CDH23: variants seen among roughly 807,000 people sequenced by gnomAD.
CDH23 encodes the protein cadherin related 23, also known as cadherin-23.
A neutral mutation model predicts 317.1 loss-of-function variants in CDH23; 189 were observed. That is an observed-to-expected ratio of 0.60 (90% CI 0.53 to 0.67). CDH23 has a LOEUF of 0.67. Among genes scored for constraint, CDH23 ranks in the 30% least tolerant of loss-of-function variants. CDH23 has a pLI of 0.00. For synonymous variants in CDH23, 1,839 were observed against 1,876.8 expected (o/e 0.98, Z 0.52); for missense variants, 4,401 against 4,592.4 (o/e 0.96, Z 1.20).
At position 71,797,090 on chromosome 10, in the gene CDH23, G is replaced by A. The variant is rs1378520910; in HGVS notation, c.6713-14G>A. The A allele has an allele frequency of 6.3e-7, 1 of 1,579,876 alleles. No homozygotes were observed. The highest frequency in any genetic ancestry group is 8.7e-7 in the Non-Finnish European group (1 of 1,150,880). Reference sequence around the variant, plus strand: ...GTTCTTCTCAGGCTGAACCTGGCCTGGTCTGGTCCACAGGATCTGTAATGG... The same window carrying A: ...GTTCTTCTCAGGCTGAACCTGGCCTAGTCTGGTCCACAGGATCTGTAATGG... On this transcript the variant is annotated splice_polypyrimidine_tract_variant and intron_variant, in intron 48 of 69. Transcript: ENST00000224721.
In CDH23 at chr10:71,777,882, T is replaced by C. The variant is rs1249871091; in HGVS notation, c.5048T>C (p.Phe1683Ser). 2.5e-6 allele frequency: 4 copies of C among 1,613,720 alleles called. No homozygotes were observed. The highest frequency in any genetic ancestry group is 3.4e-6 in the Non-Finnish European group (4 of 1,179,844). The change falls in exon 39 of 70, where the codon TTC (phenylalanine) becomes TCC (serine). Residue 1683 changes from phenylalanine to serine, a missense_variant. Phe to Ser is a radical substitution (Grantham distance 155, BLOSUM62 -2). Transcript: ENST00000224721. The stretch of plus-strand genomic sequence containing the variant: ...GTCGCAGGCAACATCGTCAACACCT[T>C]CCGCATCGACAGACACATGGTCAGC... ...AIVAGNIVNT[F>S]RIDRHMGVIT...
intron 6 of CDH23, among the ~76,000 whole-genome samples, chr10:71,561,218 C>T (rs1041333816): frequency 3.3e-5 from 5 of 152,146 alleles, no homozygotes; most frequent in South Asian, 2.1e-4. Context: ...CACTTTATCC[C>T]GTTTTCACTC....
Position 71,446,361 on chromosome 10 carries a change from T to C in CDH23, c.111T>C (p.Asp37=). ...CCTTCTTCACCAACCACTTCTTTGA[T>C]ACATACCTGCTGATCAGCGAGGACA... The part of the protein sequence containing the change: ...RLPFFTNHFF[D]TYLLISEDTP... The change falls in exon 3 of 70, where the codon GAT becomes GAC. Residue 37 remains aspartate, a synonymous_variant. Coordinates refer to ENST00000224721, the MANE Select transcript of CDH23 (RefSeq NM_022124.6). 6.2e-7 allele frequency: 1 copy of C among 1,614,020 alleles called. No individual in the cohort carries two copies. Among genetic ancestry groups the C allele is most frequent in the African/African-American group, 1.3e-5 (1 of 75,066 alleles).
intron 14 of CDH23, among the ~76,000 whole-genome samples, chr10:71,658,029 C>T (rs1243944252): frequency 1.3e-5 from 2 of 152,180 alleles, no homozygotes; most frequent in African/African-American, 4.8e-5. Flanking sequence ...GGGGTGTCTA[C>T]GGATGTACTT....
At chr10:71,591,907 G>C (rs1177002341) in intron 9 of CDH23, among the ~76,000 whole-genome samples, 1 of 152,102 alleles carries the variant, frequency 6.6e-6, no homozygotes, top group Admixed American at 6.5e-5. Flanking sequence ...GCTGCTGCTG[G>C]GACTGAGGTG....
At chr10:71,468,959 C>T (rs1376738908) in intron 3 of CDH23, among the ~76,000 whole-genome samples, 3 of 152,154 alleles carry the variant, frequency 2.0e-5, no homozygotes, top group East Asian at 3.9e-4. Context: ...CTGCCAGGCT[C>T]CTTCTCTGTG....
chr10:71,778,272 C>G lies in CDH23; in HGVS notation c.5151C>G (p.Cys1717Trp). ...YTLIVTATDQ[C>W]PILSHRLTST... ...TGATCGTCACTGCCACAGACCAGTG[C>G]CCCATCTTATCCCACCGCCTCACCT... The change falls in exon 40 of 70, where the codon TGC (cysteine) becomes TGG (tryptophan). Residue 1717 changes from cysteine (C) to tryptophan (W), a missense_variant. Transcript: ENST00000224721. 1 of 1,613,948 alleles carries G rather than the reference C, an allele frequency of 6.2e-7. No individual in the cohort carries two copies.
chr10:71,761,757 C>T (rs1312702295), intron 38 of CDH23: 5 of 1,614,028 alleles, frequency 3.1e-6, no homozygotes, highest in East Asian at 2.2e-5. Context: ...GACTCCAGCC[C>T]GTGGCGCTGA....
intron 9 of CDH23, among the ~76,000 whole-genome samples, chr10:71,597,638 G>A (rs1859949095): frequency 6.6e-6 from 1 of 152,082 alleles, no homozygotes; most frequent in Middle Eastern, 3.2e-3. Context: ...CAAGCAGTGA[G>A]GAAGGAGAGG....
At chr10:71,737,867 A>G (rs1473520095) in intron 34 of CDH23, 1 of 452,948 alleles carries the variant, frequency 2.2e-6, no homozygotes, top group Non-Finnish European at 4.5e-6. Flanking sequence ...CATTTGTTGC[A>G]TGCCCGGTTT....
At chr10:71,707,166 C>T in intron 26 of CDH23, 117 bp downstream of exon 26, 1 of 1,542,074 alleles carries the variant, frequency 6.5e-7, no homozygotes, top group Non-Finnish European at 8.7e-7. Context: ...GGTCAGGGCT[C>T]TACTGTTGGG....
At chr10:71,705,243 G>A (rs1016067500) in intron 25 of CDH23, 113 bp downstream of exon 25, 7 of 999,864 alleles carry the variant, frequency 7.0e-6, no homozygotes, top group Non-Finnish European at 8.7e-6. Context: ...TGGACTTGTA[G>A]GCACAGGCTC....
At chr10:71,457,217 T>C (rs1850739140) in intron 3 of CDH23, among the ~76,000 whole-genome samples, 1 of 152,196 alleles carries the variant, frequency 6.6e-6, no homozygotes, top group Non-Finnish European at 1.5e-5. Context: ...GCAAGCAATT[T>C]GTGTTGTGTC....
At chr10:71,796,181 G>T in intron 48 of CDH23, 8 of 757,458 alleles carry the variant, frequency 1.1e-5, no homozygotes, top group African/African-American at 1.9e-5. Flanking sequence ...TACCTGAGAG[G>T]GAGAGGAGGT....
intron 17 of CDH23, among the ~76,000 whole-genome samples, chr10:71,681,847 G>A (rs527615951): frequency 7.9e-5 from 12 of 152,336 alleles, no homozygotes; most frequent in Middle Eastern, 3.4e-3. Flanking sequence ...GCTAGAGACC[G>A]AGGAGGGTCC....
chr10:71,513,457 C>T (rs1482144271), intron 6 of CDH23, among the ~76,000 whole-genome samples: 1 of 152,180 alleles, frequency 6.6e-6, no homozygotes, highest in Non-Finnish European at 1.5e-5. Context: ...CAGGCCCCTG[C>T]CCTTTAGAGT....
chr10:71,724,056 G>A lies in CDH23; in HGVS notation c.3381G>A (p.Thr1127=), dbSNP rs752407400. 38 of 1,559,900 alleles carry A rather than the reference G, an allele frequency of 2.4e-5. No homozygotes were observed. Among genetic ancestry groups the A allele is most frequent in the South Asian group, 5.9e-5 (5 of 84,500 alleles). Residue 1127 remains threonine, a synonymous_variant, in exon 29 of 70, where the codon ACG becomes ACA. Coordinates refer to ENST00000224721, the MANE Select transcript of CDH23 (RefSeq NM_022124.6). The part of the protein sequence containing the change: ...EGHSILQLKA[T]DADEGEFGRV... ...TCATTCTTCCTCAGCTGAAAGCCAC[G>A]GACGCAGATGAGGGCGAGTTTGGGC...
chr10:71,627,034 A>G (rs116696762), intron 11 of CDH23, among the ~76,000 whole-genome samples: 291 of 151,778 alleles, frequency 1.9e-3, no homozygotes, highest in African/African-American at 6.8e-3. Flanking sequence ...TTCTCTGGTG[A>G]CTCTGACCTC....
chr10:71,747,672 G>A (rs565798210), intron 38 of CDH23: 1 of 152,382 alleles, frequency 6.6e-6, no homozygotes, highest in South Asian at 2.1e-4. Context: ...AGGGAAGGGG[G>A]TGGATCAAAC....
Sources: gnomAD v4.1 joint callset for allele counts (sites outside exome capture counted in the v4.1 genomes callset) on GRCh38, gnomAD v4.1.1 for gene constraint, MANE v1.5 for transcripts, NCBI Gene and HGNC (gene_info 2026-07-23, HGNC 2026-07-21) for gene names.